Variants in MIA3 observed in about 807,000 individuals in gnomAD.
The protein encoded by MIA3 is transport and Golgi organization protein 1 homolog.
Under a neutral mutation model 192.4 loss-of-function variants are expected in MIA3, and 90 were observed. The ratio of observed to expected loss-of-function variants is 0.47; its 90% CI spans 0.39 to 0.56. The LOEUF is 0.56. Among genes scored for constraint, MIA3 ranks in the 20% least tolerant of loss-of-function variants. MIA3 has a pLI of 0.00. For synonymous variants in MIA3, 740 were observed against 792.8 expected (o/e 0.93, Z 1.12); for missense variants, 2,123 against 2,269.4 (o/e 0.94, Z 1.31).
chr1:222,640,132 A>G (rs989629224), intron 6 of MIA3, among the ~76,000 whole-genome samples: 4 of 152,142 alleles, frequency 2.6e-5, no homozygotes, highest in Admixed American at 2.0e-4. Context: ...AATGTGGCAA[A>G]AAGTGTGTAA....
intron 26 of MIA3, chr1:222,662,553 G>A (rs1335597752): frequency 1.0e-5 from 13 of 1,275,290 alleles, no homozygotes; most frequent in Middle Eastern, 3.0e-4. Flanking sequence ...AGTGTGGACT[G>A]AACTGGGCTA....
chr1:222,627,224 G>T (rs1248879510), intron 3 of MIA3, among the ~76,000 whole-genome samples: 1 of 152,240 alleles, frequency 6.6e-6, no homozygotes, highest in Non-Finnish European at 1.5e-5. Context: ...CTCCCCAGGT[G>T]GGACTGTCCC....
intron 7 of MIA3, among the ~76,000 whole-genome samples, chr1:222,646,382 C>A (rs1274295637): frequency 6.7e-6 from 1 of 149,910 alleles, no homozygotes; most frequent in East Asian, 2.0e-4. Context: ...CCACTGCACT[C>A]CAGCCTGGGT....
In MIA3 at chr1:222,629,485, T is replaced by G; in HGVS notation, c.2265T>G (p.Asp755Glu). 1 of 1,614,084 alleles carries G rather than the reference T, an allele frequency of 6.2e-7. No individual in the cohort carries two copies. The highest frequency in any genetic ancestry group is 8.5e-7 in the Non-Finnish European group (1 of 1,180,022). ...CTGGGAATCAGGGCAGGCAGTTTGA[T>G]GTTAATCTGCAAGTCCCTGACAGAG... ...KNPGNQGRQFDVNLQVPDRAV... is the reference protein window; with the variant it reads ...KNPGNQGRQFEVNLQVPDRAV... Residue 755 changes from aspartate to glutamate, a missense_variant, in exon 4 of 28, where the codon GAT becomes GAG. Asp to Glu is a conservative substitution (Grantham distance 45, BLOSUM62 2). This residue lies in a region of MIA3 where 1,357 missense variants were observed against 1,396.1 expected (regional missense o/e 0.97). Coordinates refer to ENST00000344922, the MANE Select transcript of MIA3 (RefSeq NM_198551.4).
In MIA3 at chr1:222,660,160, G is replaced by C. The variant is rs1240050165; in HGVS notation, c.4976-17G>C. On this transcript the variant is annotated splice_polypyrimidine_tract_variant and intron_variant, in intron 23 of 27. Coordinates refer to ENST00000344922, the MANE Select transcript of MIA3 (RefSeq NM_198551.4). ...AAAGGCTGTCTTAAAATGCTAACAA[G>C]ATGCTGTCATCTTTAGGTCCTCTGA... is the stretch of plus-strand genomic sequence containing the variant. 6.2e-7 allele frequency: 1 copy of C among 1,607,350 alleles called. No individual in the cohort carries two copies. Among genetic ancestry groups the C allele is most frequent in the Admixed American group, 1.7e-5 (1 of 58,128 alleles).
chr1:222,650,406 T>G, intron 9 of MIA3, 26 bp downstream of exon 9: 2 of 1,272,124 alleles, frequency 1.6e-6, no homozygotes, highest in Non-Finnish European at 2.2e-6. Flanking sequence ...GTTTTTTTTT[T>G]TTTTCATGGT....
At chr1:222,660,132 A>G in intron 23 of MIA3, 45 bp from the exon 24 acceptor site, 2 of 1,599,696 alleles carry the variant, frequency 1.3e-6, no homozygotes, top group South Asian at 2.3e-5. Flanking sequence ...TGAATAAAGA[A>G]AAAAAGGCTG....
chr1:222,642,182 A>G (rs995564479), intron 6 of MIA3, among the ~76,000 whole-genome samples: 4 of 152,162 alleles, frequency 2.6e-5, no homozygotes, highest in Non-Finnish European at 5.9e-5. Context: ...TGGGAGGTTC[A>G]CTATGTTGGT....
intron 6 of MIA3, among the ~76,000 whole-genome samples, chr1:222,639,047 G>C (rs1288467897): frequency 2.0e-5 from 3 of 152,080 alleles, no homozygotes; most frequent in Non-Finnish European, 4.4e-5. Flanking sequence ...AGGGAATACA[G>C]ATCACCAATA....
rs908904337 is a variant in MIA3 at position 222,626,373 on chromosome 1, C to G, written c.355-1202C>G. 6.6e-5 allele frequency among the ~76,000 whole-genome samples: 10 copies of G among 152,178 alleles called. 1 individual carries two copies. On this transcript the variant is annotated intron_variant, in intron 3 of 27. Coordinates refer to ENST00000344922, the MANE Select transcript of MIA3 (RefSeq NM_198551.4). ...CCTGACCTGTATACTAATTGTAGTT[C>G]CCACTGCATGATTCCCTTAATATTA...
At chr1:222,621,327 T>C (rs1571856250) in intron 2 of MIA3, 35 bp downstream of exon 2, 1 of 1,586,474 alleles carries the variant, frequency 6.3e-7, no homozygotes, top group East Asian at 2.2e-5. Context: ...ATTTGCTTAA[T>C]TTTTATTGGC....
In MIA3 at chr1:222,628,722, G is replaced by A. The variant is rs1035864355; in HGVS notation, c.1502G>A (p.Ser501Asn). 3 of 1,614,116 alleles carry A rather than the reference G, an allele frequency of 1.9e-6. No homozygotes were observed. Among genetic ancestry groups the A allele is most frequent in the Non-Finnish European group, 2.5e-6 (3 of 1,180,026 alleles). The change falls in exon 4 of 28, where the codon AGC becomes AAC. Residue 501 changes from serine to asparagine, a missense_variant. Coordinates refer to ENST00000344922, the MANE Select transcript of MIA3 (RefSeq NM_198551.4). ...ATGACTGTGCACAGTTCTGTTCACA[G>A]CAATAACCTCAACTCTATGCCAGCT... Reference protein sequence around the residue: ...EGMTVHSSVHSNNLNSMPAAE... With the variant: ...EGMTVHSSVHNNNLNSMPAAE...
Position 222,654,227 on chromosome 1 carries a change from G to A in MIA3, c.4322-16G>A, listed in dbSNP as rs750575747. The A allele has an allele frequency of 2.0e-5, 33 of 1,611,154 alleles. No individual in the cohort carries two copies. The East Asian group carries it at 5.1e-4, about 25-fold the overall frequency. On this transcript the variant is annotated splice_polypyrimidine_tract_variant and intron_variant, in intron 15 of 27. Transcript: ENST00000344922. ...AGGGAAGAAAAAGCAATGAAAGAAAGCCTTTTGTTTTTTAGGTGACCGGAA... is the reference window on the plus strand; with the variant it reads ...AGGGAAGAAAAAGCAATGAAAGAAAACCTTTTGTTTTTTAGGTGACCGGAA...
Position 222,664,031 on chromosome 1 carries a change from C to G in MIA3, c.5296C>G (p.Pro1766Ala), listed in dbSNP as rs1664153464. The G allele has an allele frequency of 1.2e-6, 2 of 1,613,962 alleles. No homozygotes were observed. The highest frequency in any genetic ancestry group is 2.7e-5 in the African/African-American group (2 of 74,922). ...NMAPKGPPPFPGVPLMSTPMG... is the reference protein window; with the variant it reads ...NMAPKGPPPFAGVPLMSTPMG... ...GGCTCCAAAAGGGCCCCCTCCTTTC[C>G]CAGGAGTCCCTCTCATGAGCACCCC... is the stretch of plus-strand genomic sequence containing the variant. The change falls in exon 27 of 28, where the codon CCA (proline) becomes GCA (alanine). Residue 1766 changes from proline (P) to alanine (A), a missense_variant. By Grantham distance (27) the Pro-to-Ala change is conservative. Coordinates refer to ENST00000344922, the MANE Select transcript of MIA3 (RefSeq NM_198551.4).
chr1:222,636,424 G>C (rs1408596124), intron 6 of MIA3, among the ~76,000 whole-genome samples: 2 of 151,516 alleles, frequency 1.3e-5, no homozygotes, highest in Non-Finnish European at 2.9e-5. Context: ...ACCCTACACA[G>C]GAGCTGTTTA....
chr1:222,629,816 G>A lies in MIA3; in HGVS notation c.2596G>A (p.Gly866Arg). ...DNPEEHLKTS[G>R]LAGEPEGELS... The stretch of plus-strand genomic sequence containing the variant: ...CCCTGAGGAACATCTGAAGACCTCA[G>A]GGCTTGCAGGGGAGCCTGAGGGAGA... Residue 866 changes from glycine (G) to arginine (R), a missense_variant, in exon 4 of 28, where the codon GGG becomes AGG. Physicochemically the swap from Gly to Arg is moderately radical, Grantham distance 125 (BLOSUM62 -2). Coordinates refer to ENST00000344922, the MANE Select transcript of MIA3 (RefSeq NM_198551.4). 1 of 1,614,038 alleles carries A rather than the reference G, an allele frequency of 6.2e-7. No individual in the cohort carries two copies. Among genetic ancestry groups the A allele is most frequent in the Non-Finnish European group, 8.5e-7 (1 of 1,180,012 alleles).
At chr1:222,648,897 G>T in intron 8 of MIA3, 47 bp downstream of exon 8, 1 of 1,218,176 alleles carries the variant, frequency 8.2e-7, no homozygotes, top group Non-Finnish European at 1.2e-6. Context: ...CCTCTGTATT[G>T]GTGTTTGATA....
intron 6 of MIA3, chr1:222,644,206 C>T (rs2124884687): frequency 4.9e-6 from 5 of 1,027,296 alleles, no homozygotes; most frequent in East Asian, 4.0e-5. Context: ...TCGCTCTTCT[C>T]TCCCGTCCCC....
chr1:222,624,299 CGA>C (rs1662008877), intron 2 of MIA3, among the ~76,000 whole-genome samples: 1 of 152,094 alleles, frequency 6.6e-6, no homozygotes, highest in Admixed American at 6.5e-5. Context: ...CTTTTGCAGT[CGA>C]GAGAAATATA....
Sources: allele counts gnomAD v4.1 joint callset (sites outside exome capture counted in the v4.1 genomes callset), GRCh38; gene constraint gnomAD v4.1.1; regional missense constraint gnomAD v4.1.1; transcripts MANE v1.5; gene names NCBI Gene and HGNC (gene_info 2026-07-23, HGNC 2026-07-21).